The following TMEM94 variants were observed in gnomAD, a reference collection of about 807,000 sequenced individuals.
TMEM94 encodes transmembrane protein 94.
TMEM94 carries 81 observed loss-of-function variants against 158.6 expected under a neutral mutation model. That is an observed-to-expected ratio of 0.51 (90% CI 0.43 to 0.61). The LOEUF (loss-of-function observed/expected upper bound fraction) is 0.61, where lower values mean the gene tolerates loss of function less well. Ranked by LOEUF, TMEM94 falls within the 20% of genes least tolerant of loss-of-function variation. TMEM94 has a pLI of 0.00. For missense variants in TMEM94, 1,435 were observed against 1,762.0 expected (o/e 0.81, Z 3.32); for synonymous variants, 751 against 730.7 (o/e 1.03, Z -0.45).
chr17:75,498,123 C>T lies in TMEM94; in HGVS notation c.3490-52C>T, dbSNP rs2052914642. On this transcript the variant is annotated intron_variant, in intron 27 of 31. Coordinates refer to ENST00000314256, the MANE Select transcript of TMEM94 (RefSeq NM_014738.6). The surrounding 1 kb of genome is among the most constrained non-coding windows in gnomAD (Gnocchi z 6.7). The stretch of plus-strand genomic sequence containing the variant: ...GTTGAATACGTGGAAGAGCTAGGAG[C>T]AGCCGGCAGAGGGGCTGTGCGCCCC... The T allele has an allele frequency of 6.2e-7, 1 of 1,604,760 alleles. No homozygotes were observed. Among genetic ancestry groups the T allele is most frequent in the Admixed American group, 1.7e-5 (1 of 59,796 alleles).
chr17:75,467,039 A>C (rs1386822211), intron 1 of TMEM94, among the ~76,000 whole-genome samples: 5 of 144,014 alleles, frequency 3.5e-5, no homozygotes. Flanking sequence ...CAATGATGTG[A>C]TCTCGGCTCA....
chr17:75,457,209 T>A (rs2049921307), intron 1 of TMEM94: 1 of 152,334 alleles, frequency 6.6e-6, no homozygotes, highest in African/African-American at 2.4e-5. Flanking sequence ...CGTCCCCAGC[T>A]GGATGGAGCC....
chr17:75,469,408 A>C (rs2050418886), intron 1 of TMEM94, among the ~76,000 whole-genome samples: 1 of 149,682 alleles, frequency 6.7e-6, no homozygotes, highest in African/African-American at 2.5e-5. Flanking sequence ...GCAGTGGCGC[A>C]ATCTCAGCTC....
Position 75,486,287 on chromosome 17 carries a change from C to T in TMEM94, c.273-3C>T, listed in dbSNP as rs781228889. 6.2e-7 allele frequency: 1 copy of T among 1,613,990 alleles called. No homozygotes were observed. Among genetic ancestry groups the T allele is most frequent in the South Asian group, 1.1e-5 (1 of 91,070 alleles). ...GGGTGCGGCCTCTCTTTCCTCCCACCAGCCGTGGGGTGGGGCTGGTGAATG... is the reference window on the plus strand; with the variant it reads ...GGGTGCGGCCTCTCTTTCCTCCCACTAGCCGTGGGGTGGGGCTGGTGAATG... On this transcript the variant is annotated splice_region_variant and splice_polypyrimidine_tract_variant and intron_variant, in intron 4 of 31. Coordinates refer to ENST00000314256, the MANE Select transcript of TMEM94 (RefSeq NM_014738.6).
At chr17:75,467,303 A>T (rs2050339714) in intron 1 of TMEM94, among the ~76,000 whole-genome samples, 1 of 151,666 alleles carries the variant, frequency 6.6e-6, no homozygotes, top group Admixed American at 6.6e-5. Context: ...TATAAATGAT[A>T]TTAAAATTTT....
chr17:75,483,271 C>T (rs529537224), intron 2 of TMEM94, among the ~76,000 whole-genome samples: 1 of 152,024 alleles, frequency 6.6e-6, no homozygotes, highest in East Asian at 1.9e-4. Flanking sequence ...ATTTGACCAA[C>T]CAGGCAGGCC....
intron 2 of TMEM94, among the ~76,000 whole-genome samples, chr17:75,475,748 C>G (rs750967480): frequency 6.6e-6 from 1 of 152,172 alleles, no homozygotes; most frequent in South Asian, 2.1e-4. Context: ...CCCAGCAGCA[C>G]TTGGGCCGGT....
chr17:75,499,147 G>A (rs1485624558), intron 31 of TMEM94, 65 bp downstream of exon 31: 11 of 1,582,490 alleles, frequency 7.0e-6, no homozygotes, highest in South Asian at 1.2e-5. Context: ...TTACTCCCTT[G>A]GCGACACTCC....
chr17:75,476,590 C>T, intron 2 of TMEM94: 2 of 1,501,914 alleles, frequency 1.3e-6, no homozygotes, highest in Non-Finnish European at 1.8e-6. Flanking sequence ...GTCTCCGTCT[C>T]TTCTCTCCTC....
chr17:75,488,636 G>C (rs1236469586), intron 6 of TMEM94, 123 bp from the exon 7 acceptor site: 12 of 1,164,320 alleles, frequency 1.0e-5, no homozygotes, highest in African/African-American at 4.6e-5. Flanking sequence ...CCCTGTCCCA[G>C]TGGACTCTGG....
Position 75,491,497 on chromosome 17 carries a change from G to C in TMEM94, c.1386+42G>C. ...GGCCGGCTCCCATGGGCCCGACTCT[G>C]GGCCAGGCTGTTTAGCCTTGGAGCC... On this transcript the variant is annotated intron_variant, in intron 13 of 31. Transcript: ENST00000314256. The surrounding 1 kb of genome is among the most constrained non-coding windows in gnomAD (Gnocchi z 5.1). The C allele has an allele frequency of 2.5e-6, 4 of 1,613,568 alleles. No homozygotes were observed. The highest frequency in any genetic ancestry group is 3.4e-6 in the Non-Finnish European group (4 of 1,179,886).
In TMEM94 at chr17:75,461,652, A is replaced by G. The variant is rs576175614; in HGVS notation, c.-107+4901A>G. On this transcript the variant is annotated intron_variant, in intron 1 of 31. Coordinates refer to ENST00000314256, the MANE Select transcript of TMEM94 (RefSeq NM_014738.6). ...ATGTAATCCACAGTAGGCCGGGCGC[A>G]GTGGCTCACGCCTGTAATCCCAGCA... 2.6e-4 allele frequency among the ~76,000 whole-genome samples: 39 copies of G among 152,052 alleles called. No homozygotes were observed. The South Asian group carries it at 6.2e-3, about 24-fold the overall frequency.
intron 26 of TMEM94, 140 bp downstream of exon 26, chr17:75,497,338 CTTTGTCT>C: frequency 1.8e-6 from 1 of 551,970 alleles, no homozygotes; most frequent in Non-Finnish European, 3.1e-6. Flanking sequence ...AGGGAACCCC[CTTTGTCT>C]TTTTTTTTTT....
At chr17:75,469,198 C>T (rs2050409804) in intron 1 of TMEM94, among the ~76,000 whole-genome samples, 1 of 152,100 alleles carries the variant, frequency 6.6e-6, no homozygotes, top group South Asian at 2.1e-4. Flanking sequence ...GTGAGTGTGG[C>T]GTCTGACTGC....
intron 2 of TMEM94, among the ~76,000 whole-genome samples, chr17:75,481,380 G>A (rs1343783618): frequency 6.6e-6 from 1 of 152,262 alleles, no homozygotes; most frequent in Non-Finnish European, 1.5e-5. Flanking sequence ...CAAAGCCACT[G>A]TGGAGAGCGG....
intron 2 of TMEM94, among the ~76,000 whole-genome samples, chr17:75,482,207 G>C (rs142701408): frequency 1.3e-5 from 2 of 152,072 alleles, no homozygotes; most frequent in African/African-American, 2.4e-5. Context: ...TTAGCCGGGC[G>C]TGGCAGCATG....
In TMEM94 at chr17:75,485,979, G is replaced by C; in HGVS notation, c.253G>C (p.Gly85Arg). Residue 85 changes from glycine to arginine, a missense_variant, in exon 4 of 32, where the codon GGG becomes CGG. By Grantham distance (125) the Gly-to-Arg change is moderately radical. Around this residue, in one of 3 missense-constraint regions of TMEM94, gnomAD observed 1,051 missense variants for 1,254.4 expected, o/e 0.84. Transcript: ENST00000314256. This position sits in a 1 kb window ranked among gnomAD's most constrained non-coding sequence, Gnocchi z 5.5. Reference protein sequence around the residue: ...LAVLLLLGCCGGQPAGSRGVG... With the variant: ...LAVLLLLGCCRGQPAGSRGVG... ...CGTGCTGCTGCTGCTGGGCTGCTGC[G>C]GGGGACAGCCAGCCGGGAGGTGTGC... 3 of 1,611,866 alleles carry C rather than the reference G, an allele frequency of 1.9e-6. No individual in the cohort carries two copies. Among genetic ancestry groups the C allele is most frequent in the Non-Finnish European group, 1.7e-6 (2 of 1,179,426 alleles).
rs1462679128 is a variant in TMEM94, at chr17:75,488,683, A to T, written c.613-76A>T. Reference sequence around the variant, plus strand: ...GCTCCTAACCCCAGCGAATGTCTGTACTTAGATGAATTGTCCAGGAAGAGT... The same window carrying T: ...GCTCCTAACCCCAGCGAATGTCTGTTCTTAGATGAATTGTCCAGGAAGAGT... On this transcript the variant is annotated intron_variant, in intron 6 of 31. Coordinates refer to ENST00000314256, the MANE Select transcript of TMEM94 (RefSeq NM_014738.6). The T allele has an allele frequency of 4.5e-6, 7 of 1,549,168 alleles. No homozygotes were observed. The African/African-American group carries it at 8.1e-5, about 18-fold the overall frequency.
At chr17:75,474,477 C>T (rs1305513057) in intron 2 of TMEM94, among the ~76,000 whole-genome samples, 1 of 152,104 alleles carries the variant, frequency 6.6e-6, no homozygotes, top group African/African-American at 2.4e-5. Context: ...CCTGTCTCTA[C>T]TAAAAATACA....
Sources: allele counts gnomAD v4.1 joint callset (sites outside exome capture counted in the v4.1 genomes callset), GRCh38; gene constraint gnomAD v4.1.1; regional missense constraint gnomAD v4.1.1; non-coding constraint Gnocchi (gnomAD v3.1); transcripts MANE v1.5; gene names NCBI Gene and HGNC (gene_info 2026-07-23, HGNC 2026-07-21).